Variants in SPATA13 observed in about 807,000 individuals in gnomAD.
SPATA13 encodes spermatogenesis-associated protein 13.
In SPATA13, 50 loss-of-function variants were observed where a neutral mutation model predicts 104.0. The observed-to-expected ratio is 0.48, with a 90% confidence interval of 0.38 to 0.61. The LOEUF is 0.61. Ranked by LOEUF, SPATA13 falls within the 20% of genes least tolerant of loss-of-function variation. SPATA13 has a pLI of 0.00. For synonymous variants in SPATA13, 606 were observed against 667.5 expected (o/e 0.91, Z 1.42); for missense variants, 1,524 against 1,690.6 (o/e 0.90, Z 1.73).
intron 3 of SPATA13, among the ~76,000 whole-genome samples, chr13:24,117,172 C>G (rs1219766951): frequency 6.6e-6 from 1 of 152,166 alleles, no homozygotes; most frequent in Non-Finnish European, 1.5e-5. Flanking sequence ...ATTTGCTGCT[C>G]TATAACAACT....
chr13:24,089,704 C>G (rs922356425), intron 3 of SPATA13, among the ~76,000 whole-genome samples: 1 of 152,204 alleles, frequency 6.6e-6, no homozygotes. Context: ...TGTCATTTAT[C>G]TGAAATTCAA....
At chr13:24,086,203 C>T (rs544891560) in intron 3 of SPATA13, among the ~76,000 whole-genome samples, 2 of 152,294 alleles carry the variant, frequency 1.3e-5, no homozygotes, top group Non-Finnish European at 2.9e-5. Flanking sequence ...GGCCCGGCTA[C>T]GTTTGAATTT....
intron 3 of SPATA13, among the ~76,000 whole-genome samples, chr13:24,060,378 C>T (rs560131368): frequency 5.9e-5 from 9 of 152,242 alleles, no homozygotes; most frequent in East Asian, 3.9e-4. Flanking sequence ...ACTAGCTAAC[C>T]GTATGAAGGA....
rs968788348 is a variant in SPATA13, at chr13:24,224,186, G to A, written c.1257G>A (p.Ala419=). ...CTCTTGAAACCAAAAGTTCCTGGGCGGTGGAAAGCGACAGTTCCTGCACTT... is the reference window on the plus strand; with the variant it reads ...CTCTTGAAACCAAAAGTTCCTGGGCAGTGGAAAGCGACAGTTCCTGCACTT... ...VFPLETKSSW[A]VESDSSCTCS... is the part of the protein sequence containing the mutation. Residue 419 remains alanine (A), a synonymous_variant, in exon 2 of 13, where the codon GCG becomes GCA. Transcript: ENST00000382108. The A allele has an allele frequency of 1.2e-5, 18 of 1,551,642 alleles. No individual in the cohort carries two copies. The highest frequency in any genetic ancestry group is 2.4e-5 in the South Asian group (2 of 84,066).
intron 2 of SPATA13, among the ~76,000 whole-genome samples, chr13:24,237,675 A>G (rs1329132846): frequency 6.6e-6 from 1 of 152,066 alleles, no homozygotes; most frequent in Non-Finnish European, 1.5e-5. Flanking sequence ...AAAAATAATT[A>G]AAATGGAGGT....
intron 3 of SPATA13, among the ~76,000 whole-genome samples, chr13:24,021,581 T>C (rs1472368650): frequency 2.0e-5 from 3 of 152,254 alleles, no homozygotes; most frequent in Admixed American, 2.0e-4. Context: ...GCCCAAGGAC[T>C]GACTTGTCTC....
intron 5 of SPATA13, among the ~76,000 whole-genome samples, chr13:24,285,147 T>A (rs187658234): frequency 6.6e-6 from 1 of 152,150 alleles, no homozygotes; most frequent in Non-Finnish European, 1.5e-5. Flanking sequence ...GCTAAGGAGA[T>A]GGGCAAAATC....
Position 24,032,518 on chromosome 13 carries a change from C to A in SPATA13, c.-112+14817C>A, listed in dbSNP as rs114663950. Among the ~76,000 whole-genome samples, 598 of 152,246 alleles carry A rather than the reference C, an allele frequency of 3.9e-3. 2 individuals carry two copies. Among genetic ancestry groups the A allele is most frequent in the African/African-American group, 0.013 (559 of 41,532 alleles). On this transcript the variant is annotated intron_variant, in intron 3 of 14. Transcript: ENST00000424834. ...CTCTGCCAGAGATTTCATAAGGAGT[C>A]GTTACAAATATGTTGGGTTTCCTTT...
intron 3 of SPATA13, among the ~76,000 whole-genome samples, chr13:24,025,699 C>T (rs1222278390): frequency 6.6e-6 from 1 of 152,096 alleles, no homozygotes; most frequent in Non-Finnish European, 1.5e-5. Flanking sequence ...TTAAATTTTC[C>T]TTTTTGTGAC....
At chr13:24,238,673 A>G (rs1271708392) in intron 2 of SPATA13, among the ~76,000 whole-genome samples, 2 of 152,200 alleles carry the variant, frequency 1.3e-5, no homozygotes, top group African/African-American at 4.8e-5. Context: ...GAAGTCTTGC[A>G]TACAGTTTGT....
intron 4 of SPATA13, chr13:24,270,716 C>T: frequency 6.6e-7 from 1 of 1,515,318 alleles, no homozygotes; most frequent in Non-Finnish European, 8.9e-7. Context: ...GCCGGGAACG[C>T]ATACAACGTC....
At position 24,219,350 on chromosome 13, in the gene SPATA13, C is replaced by T. The variant is rs138293301; in HGVS notation, c.-111-3469C>T. ...AGGAACAAAATACTAAGTCACTGGT[C>T]GTTTAAAAAGCATATTGTCCCAATT... On this transcript the variant is annotated intron_variant, in intron 1 of 12. Transcript: ENST00000382108. Among the ~76,000 whole-genome samples, 4 of 152,292 alleles carry T rather than the reference C, an allele frequency of 2.6e-5. No individual in the cohort carries two copies. The East Asian group carries it at 5.8e-4, about 22-fold the overall frequency.
chr13:24,102,855 C>T (rs1880301866), intron 3 of SPATA13, among the ~76,000 whole-genome samples: 1 of 152,118 alleles, frequency 6.6e-6, no homozygotes, highest in African/African-American at 2.4e-5. Context: ...GTGTTATACC[C>T]AAGAAATCTT....
intron 1 of SPATA13, among the ~76,000 whole-genome samples, chr13:24,164,135 C>A (rs1447019608): frequency 6.6e-6 from 1 of 152,166 alleles, no homozygotes; most frequent in Non-Finnish European, 1.5e-5. Context: ...AAAATCAGTA[C>A]CTGGAATGTT....
intron 3 of SPATA13, among the ~76,000 whole-genome samples, chr13:24,080,393 C>G (rs899041950): frequency 6.6e-6 from 1 of 152,190 alleles, no homozygotes; most frequent in East Asian, 1.9e-4. Flanking sequence ...AGAACAAAAG[C>G]TTTGGCGGCT....
At chr13:24,275,300 A>C (rs1278013813) in intron 4 of SPATA13, among the ~76,000 whole-genome samples, 2 of 152,230 alleles carry the variant, frequency 1.3e-5, no homozygotes, top group East Asian at 3.8e-4. Context: ...CCCAGGAATC[A>C]GGGGCCCCCA....
rs748858160 is a variant in SPATA13, at chr13:24,306,711, T to C, written c.*3938T>C. 4.6e-5 allele frequency: 7 copies of C among 152,242 alleles called. No individual in the cohort carries two copies. The highest frequency in any genetic ancestry group is 2.9e-5 in the Non-Finnish European group (2 of 68,042). The allele number at this position is 152,242 out of a possible 1,614,324, so 9.4% of individuals were successfully genotyped here. ...TACTTTACATTGTTGCCTTTAGTTA[T>C]CTCACAGGCACTGACATTTTATATT... On this transcript the variant is annotated 3_prime_UTR_variant, in exon 13 of 13. Transcript: ENST00000382108.
chr13:24,098,184 A>T (rs1425172229), intron 3 of SPATA13, among the ~76,000 whole-genome samples: 1 of 152,236 alleles, frequency 6.6e-6, no homozygotes, highest in Non-Finnish European at 1.5e-5. Context: ...ATGAAAGAAT[A>T]AAACTCAAAA....
intron 1 of SPATA13, among the ~76,000 whole-genome samples, chr13:24,202,933 C>T (rs1870503310): frequency 6.6e-6 from 1 of 152,006 alleles, no homozygotes; most frequent in Admixed American, 6.6e-5. Context: ...ACTTAGGAAA[C>T]AGTATGTAAT....
Sources: gnomAD v4.1 joint callset for allele counts (sites outside exome capture counted in the v4.1 genomes callset) on GRCh38, gnomAD v4.1.1 for gene constraint, MANE v1.5 for transcripts, NCBI Gene and HGNC (gene_info 2026-07-23, HGNC 2026-07-21) for gene names.